The following MACF1 variants were observed in gnomAD, a reference collection of about 807,000 sequenced individuals.
MACF1 encodes microtubule-actin cross-linking factor 1.
In MACF1, 193 loss-of-function variants were observed where a neutral mutation model predicts 854.8. That is an observed-to-expected ratio of 0.23 (90% CI 0.20 to 0.25). The LOEUF (loss-of-function observed/expected upper bound fraction) is 0.25, where lower values mean the gene tolerates loss of function less well. MACF1 is among the 10% of genes least tolerant of loss of function. The pLI is 1.00. For missense variants in MACF1, 7,722 were observed against 8,929.1 expected (o/e 0.86, Z 5.45); for synonymous variants, 3,185 against 3,226.7 (o/e 0.99, Z 0.44).
At chr1:39,298,963 G>A (rs1172991820) in intron 21 of MACF1, among the ~76,000 whole-genome samples, 1 of 152,016 alleles carries the variant, frequency 6.6e-6, no homozygotes, top group Non-Finnish European at 1.5e-5. Context: ...GCGTCATCGG[G>A]GCATGGAGTC....
intron 2 of MACF1, among the ~76,000 whole-genome samples, chr1:39,090,239 C>T (rs978030791): frequency 2.0e-5 from 3 of 152,236 alleles, no homozygotes; most frequent in African/African-American, 7.2e-5. Flanking sequence ...GAAGGCTCCT[C>T]CTCCTTCCCA....
At chr1:39,413,053 G>T in intron 58 of MACF1, 1 of 1,594,748 alleles carries the variant, frequency 6.3e-7, no homozygotes, top group Non-Finnish European at 8.5e-7. Context: ...GTCCTCCCCA[G>T]AGGAGACTGC....
intron 2 of MACF1, among the ~76,000 whole-genome samples, chr1:39,111,674 C>T (rs1477790579): frequency 4.6e-5 from 7 of 152,122 alleles, no homozygotes; most frequent in Non-Finnish European, 1.0e-4. Context: ...AGCCACCGCA[C>T]CTGGCAATTA....
chr1:39,138,905 T>A (rs533967062), intron 2 of MACF1, among the ~76,000 whole-genome samples: 1 of 152,280 alleles, frequency 6.6e-6, no homozygotes, highest in African/African-American at 2.4e-5. Flanking sequence ...CCTCAGGTGA[T>A]CCACCCACCT....
intron 97 of MACF1, among the ~76,000 whole-genome samples, chr1:39,472,002 C>G (rs1466541839): frequency 6.6e-6 from 1 of 152,156 alleles, no homozygotes; most frequent in Admixed American, 6.5e-5. Context: ...TTTTAACATG[C>G]CCGCATCAGC....
intron 2 of MACF1, among the ~76,000 whole-genome samples, chr1:39,142,737 G>C (rs1486269727): frequency 6.6e-6 from 1 of 152,226 alleles, no homozygotes; most frequent in East Asian, 1.9e-4. Flanking sequence ...AGGCTGACAT[G>C]AGCCTCAGCC....
At chr1:39,412,219 T>G (rs774422328) in intron 58 of MACF1, 5 of 1,613,864 alleles carry the variant, frequency 3.1e-6, no homozygotes, top group Admixed American at 1.7e-5. Flanking sequence ...GAGGGTCACC[T>G]TCAGTTTTGC....
intron 86 of MACF1, 55 bp from the exon 87 acceptor site, chr1:39,452,629 A>G (rs1264913201): frequency 4.8e-5 from 78 of 1,608,864 alleles, no homozygotes; most frequent in Non-Finnish European, 2.5e-6. Context: ...ATGTCCCAGT[A>G]TCTAGGTCCT....
chr1:39,424,576 A>G (rs779618303), intron 61 of MACF1, among the ~76,000 whole-genome samples: 2 of 152,188 alleles, frequency 1.3e-5, no homozygotes, highest in Admixed American at 6.5e-5. Flanking sequence ...GAAATGTGTC[A>G]TATTTCTTTT....
intron 98 of MACF1, among the ~76,000 whole-genome samples, chr1:39,480,638 A>G (rs961026834): frequency 2.6e-5 from 4 of 151,726 alleles, no homozygotes; most frequent in Non-Finnish European, 4.4e-5. Context: ...TCTAAAAAAT[A>G]AAAATTAAAA....
In MACF1 at chr1:39,397,508, G is replaced by A. The variant is rs967861301; in HGVS notation, c.15816+8850G>A. On this transcript the variant is annotated intron_variant, in intron 58 of 100. Coordinates refer to ENST00000564288, the MANE Select transcript of MACF1 (RefSeq NM_001394062.1). ...ACCCGGGAGGCAGAGGTTGCAGTGAGCTGAGATCATGCCATTGCGCTCCAG... is the reference window on the plus strand; with the variant it reads ...ACCCGGGAGGCAGAGGTTGCAGTGAACTGAGATCATGCCATTGCGCTCCAG... 2.6e-5 allele frequency among the ~76,000 whole-genome samples: 4 copies of A among 151,838 alleles called. 1 individual carries two copies. Among genetic ancestry groups the A allele is most frequent in the South Asian group, 4.1e-4 (2 of 4,820 alleles).
intron 1 of MACF1, among the ~76,000 whole-genome samples, chr1:39,213,121 A>C (rs1644536133): frequency 6.6e-6 from 1 of 152,198 alleles, no homozygotes; most frequent in Admixed American, 6.5e-5. Context: ...AAAGTCCTAG[A>C]ATTTTTATCT....
At chr1:39,363,953 G>T (rs1048856372) in intron 49 of MACF1, among the ~76,000 whole-genome samples, 1 of 152,094 alleles carries the variant, frequency 6.6e-6, no homozygotes, top group African/African-American at 2.4e-5. Flanking sequence ...TGTTGTTTCC[G>T]AAATTGTGCT....
chr1:39,351,613 G>A (rs1339255070), intron 43 of MACF1, among the ~76,000 whole-genome samples: 3 of 123,802 alleles, frequency 2.4e-5, no homozygotes, highest in Non-Finnish European at 4.9e-5. Context: ...TTGAGACAGA[G>A]TTTTGCTCTG....
At chr1:39,163,843 G>A (rs1315567117) in intron 2 of MACF1, among the ~76,000 whole-genome samples, 1 of 151,930 alleles carries the variant, frequency 6.6e-6, no homozygotes, top group South Asian at 2.1e-4. Flanking sequence ...AGACTTTTTT[G>A]ACTTTTTTTC....
chr1:39,132,741 A>G (rs1446261000), intron 2 of MACF1, among the ~76,000 whole-genome samples: 3 of 152,124 alleles, frequency 2.0e-5, no homozygotes, highest in African/African-American at 7.2e-5. Flanking sequence ...CTTGATGACT[A>G]TAAAACATTT....
chr1:39,174,850 C>T (rs927358176), intron 2 of MACF1, among the ~76,000 whole-genome samples: 10 of 152,238 alleles, frequency 6.6e-5, no homozygotes, highest in African/African-American at 2.2e-4. Flanking sequence ...TGGGTCTCGT[C>T]CCAGTGACTC....
At chr1:39,213,117 C>T (rs948316305) in intron 1 of MACF1, among the ~76,000 whole-genome samples, 1 of 152,110 alleles carries the variant, frequency 6.6e-6, no homozygotes, top group Non-Finnish European at 1.5e-5. Context: ...TTTTAAAGTC[C>T]TAGAATTTTT....
chr1:39,219,029 TC>T (rs1178521243), intron 1 of MACF1, among the ~76,000 whole-genome samples: 2 of 152,000 alleles, frequency 1.3e-5, no homozygotes. Context: ...GATCCACCCA[TC>T]TCAGCCTCCC....
Sources: gnomAD v4.1 joint callset for allele counts (sites outside exome capture counted in the v4.1 genomes callset) on GRCh38, gnomAD v4.1.1 for gene constraint, MANE v1.5 for transcripts, NCBI Gene and HGNC (gene_info 2026-07-23, HGNC 2026-07-21) for gene names.